EIF2AK3: variants seen among roughly 807,000 people sequenced by gnomAD.
EIF2AK3 encodes eukaryotic translation initiation factor 2-alpha kinase 3.
A neutral mutation model predicts 113.5 loss-of-function variants in EIF2AK3; 50 were observed. The observed-to-expected ratio is 0.44, with a 90% confidence interval of 0.35 to 0.56. The LOEUF is 0.56. Among genes scored for constraint, EIF2AK3 ranks in the 20% least tolerant of loss-of-function variants. The probability of loss-of-function intolerance (pLI) is 0.00; values close to 1 mark genes in which losing one functional copy is unlikely to be tolerated. For synonymous variants in EIF2AK3, 448 were observed against 495.4 expected (o/e 0.90, Z 1.27); for missense variants, 1,185 against 1,378.0 (o/e 0.86, Z 2.22).
At chr2:88,605,111 G>A (rs1283595532) in intron 2 of EIF2AK3, among the ~76,000 whole-genome samples, 2 of 152,100 alleles carry the variant, frequency 1.3e-5, no homozygotes, top group Non-Finnish European at 2.9e-5. Context: ...TCAAACAAAA[G>A]TTTATGATCC....
intron 1 of EIF2AK3, among the ~76,000 whole-genome samples, chr2:88,619,657 T>C (rs1675670354): frequency 6.6e-6 from 1 of 152,048 alleles, no homozygotes; most frequent in Non-Finnish European, 1.5e-5. Flanking sequence ...CTGAAGCTTC[T>C]CTTAAATCTT....
At position 88,579,543 on chromosome 2, in the gene EIF2AK3, T is replaced by G; in HGVS notation, c.1861A>C (p.Ile621Leu). The change falls in exon 11 of 17, where the codon ATC becomes CTC. Residue 621 changes from isoleucine (I) to leucine (L), a missense_variant. By Grantham distance (5) the Ile-to-Leu change is conservative. Coordinates refer to ENST00000303236, the MANE Select transcript of EIF2AK3 (RefSeq NM_004836.7). ...KNKVDDCNYA[I>L]KRIRLPNREL... is the part of the protein sequence containing the mutation. ...CTATTGGGGAGACGGATCCTCTTGATAGCATAATTGCAGTCATCTACTTTG... is the reference window on the plus strand; with the variant it reads ...CTATTGGGGAGACGGATCCTCTTGAGAGCATAATTGCAGTCATCTACTTTG... 6.2e-7 allele frequency: 1 copy of G among 1,613,858 alleles called. No individual in the cohort carries two copies. Among genetic ancestry groups the G allele is most frequent in the Non-Finnish European group, 8.5e-7 (1 of 1,179,820 alleles).
chr2:88,589,015 C>G (rs1674814271), intron 6 of EIF2AK3, 114 bp from the exon 7 acceptor site: 1 of 1,259,778 alleles, frequency 7.9e-7, no homozygotes, highest in African/African-American at 1.5e-5. Flanking sequence ...AAACTCTTGT[C>G]AAAGAAGAAA....
At chr2:88,576,250 C>T (rs1264313410) in intron 12 of EIF2AK3, among the ~76,000 whole-genome samples, 1 of 152,116 alleles carries the variant, frequency 6.6e-6, no homozygotes, top group Non-Finnish European at 1.5e-5. Flanking sequence ...TAAGTTCTCT[C>T]TTATTTTTTC....
At position 88,588,775 on chromosome 2, in the gene EIF2AK3, CATTTG is replaced by C; in HGVS notation, c.1287_1291del (p.Ile429MetfsTer18). On this transcript the variant is annotated frameshift_variant, in exon 7 of 17. Transcript: ENST00000303236. LOFTEE classifies it high-confidence loss of function. ...AATTCACTTACGAATTAAGGGTTTC[CATTTG>C]ATTGTTGGTAAAGGAATAATTGCGT... 6.2e-7 allele frequency: 1 copy of C among 1,613,622 alleles called. No individual in the cohort carries two copies. The highest frequency in any genetic ancestry group is 8.5e-7 in the Non-Finnish European group (1 of 1,179,784).
Position 88,575,277 on chromosome 2 carries a change from T to C in EIF2AK3, c.2206A>G (p.Ser736Gly). 2 of 1,614,168 alleles carry C rather than the reference T, an allele frequency of 1.2e-6. No individual in the cohort carries two copies. The highest frequency in any genetic ancestry group is 1.7e-6 in the Non-Finnish European group (2 of 1,179,990). Residue 736 changes from serine to glycine, a missense_variant, in exon 13 of 17, where the codon AGC (serine) becomes GGC (glycine). By Grantham distance (56) the Ser-to-Gly change is moderately conservative. Around this residue, in one of 3 missense-constraint regions of EIF2AK3, gnomAD observed 877 missense variants for 1,024.2 expected, o/e 0.86. Transcript: ENST00000303236. Reference protein sequence around the residue: ...ISCDQTSSSESQFSPLEFSGM... With the variant: ...ISCDQTSSSEGQFSPLEFSGM... ...GAGAATTCCAGTGGTGAGAACTGGC[T>C]CTCAGATGAACTTGTCTGGTCACAG...
intron 16 of EIF2AK3, 69 bp downstream of exon 16, chr2:88,558,848 C>A: frequency 1.6e-6 from 2 of 1,256,004 alleles, no homozygotes; most frequent in South Asian, 2.5e-5. Context: ...GAAACTGAGT[C>A]GACTGCTAAG....
chr2:88,623,870 G>T (rs1283929209), intron 1 of EIF2AK3, among the ~76,000 whole-genome samples: 4 of 152,096 alleles, frequency 2.6e-5, no homozygotes, highest in African/African-American at 4.8e-5. Flanking sequence ...TGGTGATCAT[G>T]TATGCTCTTC....
intron 1 of EIF2AK3, among the ~76,000 whole-genome samples, chr2:88,626,405 A>G (rs1675859406): frequency 6.6e-6 from 1 of 152,226 alleles, no homozygotes; most frequent in Non-Finnish European, 1.5e-5. Flanking sequence ...TGTCTCATTC[A>G]GTAAAACTGG....
At chr2:88,603,048 T>C (rs1327729493) in intron 2 of EIF2AK3, among the ~76,000 whole-genome samples, 1 of 152,134 alleles carries the variant, frequency 6.6e-6, no homozygotes, top group Non-Finnish European at 1.5e-5. Context: ...CCTAGAACAA[T>C]TACTTTCCTA....
chr2:88,577,347 TTTTG>T (rs940163116), intron 11 of EIF2AK3, among the ~76,000 whole-genome samples: 1 of 152,072 alleles, frequency 6.6e-6, no homozygotes, highest in Non-Finnish European at 1.5e-5. Flanking sequence ...AGTATTTCAG[TTTTG>T]TTTGTTTTTC....
intron 8 of EIF2AK3, among the ~76,000 whole-genome samples, chr2:88,586,954 C>A (rs1674746374): frequency 6.6e-6 from 1 of 150,562 alleles, no homozygotes; most frequent in South Asian, 2.1e-4. Flanking sequence ...CGCCTGTAAT[C>A]CAGACACTTT....
intron 8 of EIF2AK3, among the ~76,000 whole-genome samples, chr2:88,586,508 T>C (rs79426076): frequency 0.04 from 6,060 of 152,098 alleles, 378 homozygotes; most frequent in African/African-American, 0.14. Flanking sequence ...GCTGTCAAAA[T>C]GAGTTTGTCC....
intron 2 of EIF2AK3, among the ~76,000 whole-genome samples, chr2:88,607,241 A>G (rs1227706828): frequency 1.3e-5 from 2 of 152,232 alleles, no homozygotes; most frequent in African/African-American, 4.8e-5. Flanking sequence ...ATTTTAAGGC[A>G]ATCAGTGAGG....
chr2:88,594,843 A>AC (rs1326350254), intron 3 of EIF2AK3, among the ~76,000 whole-genome samples: 1 of 151,062 alleles, frequency 6.6e-6, no homozygotes, highest in African/African-American at 2.4e-5. Flanking sequence ...AAAAAAAAAA[A>AC]AAAAAACGAA....
chr2:88,561,219 G>A (rs1036757473), intron 15 of EIF2AK3, among the ~76,000 whole-genome samples: 14 of 150,718 alleles, frequency 9.3e-5, no homozygotes, highest in African/African-American at 3.4e-4. Context: ...CTCCCAAAGT[G>A]TTGGGATTAG....
chr2:88,561,710 T>TGG (rs1673964602), intron 15 of EIF2AK3, among the ~76,000 whole-genome samples: 1 of 151,982 alleles, frequency 6.6e-6, no homozygotes, highest in Non-Finnish European at 1.5e-5. Flanking sequence ...TAAAATAAAA[T>TGG]TAGCCAGGCA....
At chr2:88,562,579 C>T (rs1407967105) in intron 14 of EIF2AK3, among the ~76,000 whole-genome samples, 189 bp from the exon 15 acceptor site, 2 of 152,160 alleles carry the variant, frequency 1.3e-5, no homozygotes, top group Non-Finnish European at 2.9e-5. Flanking sequence ...AGTAATTAAA[C>T]TACTCAGCAT....
intron 2 of EIF2AK3, among the ~76,000 whole-genome samples, chr2:88,607,011 C>T (rs1188752818): frequency 1.3e-5 from 2 of 152,056 alleles, no homozygotes; most frequent in Non-Finnish European, 2.9e-5. Flanking sequence ...AATATGGTAT[C>T]TCTAAATAAA....
Sources: gnomAD v4.1 joint callset for allele counts (sites outside exome capture counted in the v4.1 genomes callset) on GRCh38, gnomAD v4.1.1 for gene constraint, gnomAD v4.1.1 regional missense constraint, MANE v1.5 for transcripts, NCBI Gene and HGNC (gene_info 2026-07-23, HGNC 2026-07-21) for gene names.